DDX11: variants seen among roughly 807,000 people sequenced by gnomAD.
DDX11 encodes the protein DEAD/H-box helicase 11.
DDX11 carries 72 observed loss-of-function variants against 125.2 expected under a neutral mutation model. That is an observed-to-expected ratio of 0.58 (90% CI 0.48 to 0.70). The LOEUF (loss-of-function observed/expected upper bound fraction) is 0.70. Among genes scored for constraint, DDX11 ranks in the 30% least tolerant of loss-of-function variants. The probability of loss-of-function intolerance (pLI) is 0.00; values close to 1 mark genes in which losing one functional copy is unlikely to be tolerated. For synonymous variants in DDX11, 347 were observed against 452.6 expected (o/e 0.77, Z 2.96); for missense variants, 883 against 1,165.0 (o/e 0.76, Z 3.52).
At position 31,101,459 on chromosome 12, in the gene DDX11, G is replaced by T. The variant is rs544461738; in HGVS notation, c.2052+329G>T. 303 of 504,406 alleles carry T rather than the reference G, an allele frequency of 6.0e-4. 1 individual carries two copies. The highest frequency in any genetic ancestry group is 1.1e-3 in the Middle Eastern group (2 of 1,794). The allele number at this position is 504,406 out of a possible 1,614,324, so 31.2% of individuals were successfully genotyped here. A position where few individuals can be genotyped will look rare whatever the true frequency, so the allele number is the denominator to read the frequency against. ...TATATCTGCCCCTGCCGGGGGTAGG[G>T]ATGTGGGGCTTGGGGGCATCTCCTG... On this transcript the variant is annotated intron_variant, in intron 20 of 26. Transcript: ENST00000542838.
In DDX11 at chr12:31,101,909, A is replaced by G; in HGVS notation, c.2129A>G (p.Tyr710Cys). 6.2e-7 allele frequency: 1 copy of G among 1,613,780 alleles called. No homozygotes were observed. The highest frequency in any genetic ancestry group is 8.5e-7 in the Non-Finnish European group (1 of 1,179,810). Reference protein sequence around the residue: ...PGGVVCFFPSYEYLRQVHAHW... With the variant: ...PGGVVCFFPSCEYLRQVHAHW... ...GGGGTGGTCTGTTTCTTCCCCTCCTACGAGTACCTGCGCCAGGTCCATGCC... is the reference window on the plus strand; with the variant it reads ...GGGGTGGTCTGTTTCTTCCCCTCCTGCGAGTACCTGCGCCAGGTCCATGCC... Residue 710 changes from tyrosine (Y) to cysteine (C), a missense_variant, in exon 21 of 27, where the codon TAC (tyrosine) becomes TGC (cysteine). By Grantham distance (194) the Tyr-to-Cys change is radical. This residue lies in a region of DDX11 where 285 missense variants were observed against 346.0 expected (regional missense o/e 0.82). Transcript: ENST00000542838.
At position 31,084,659 on chromosome 12, in the gene DDX11, C is replaced by T. The variant is rs776605930; in HGVS notation, c.470C>T (p.Ala157Val). 1.6e-5 allele frequency: 25 copies of T among 1,586,620 alleles called. No homozygotes were observed. Among genetic ancestry groups the T allele is most frequent in the Non-Finnish European group, 2.1e-5 (24 of 1,163,358 alleles). Residue 157 changes from alanine (A) to valine (V), a missense_variant, in exon 4 of 27, where the codon GCC becomes GTC. Coordinates refer to ENST00000542838, the MANE Select transcript of DDX11 (RefSeq NM_030653.4). ...LQHRVQLKYA[A>V]KRLRQEEEER... ...CACAGGGTGCAGCTCAAGTATGCAGCCAAGCGCCTGGTGAGCCTCATTTCT... is the reference window on the plus strand; with the variant it reads ...CACAGGGTGCAGCTCAAGTATGCAGTCAAGCGCCTGGTGAGCCTCATTTCT...
intron 1 of DDX11, 191 bp from the exon 2 acceptor site, chr12:31,078,199 A>G (rs1161804204): frequency 6.6e-7 from 1 of 1,525,930 alleles, no homozygotes; most frequent in Non-Finnish European, 8.8e-7. Context: ...CGCTAGATGG[A>G]GTGCGTGATT....
At chr12:31,077,673 C>T (rs1351364741) in intron 1 of DDX11, among the ~76,000 whole-genome samples, 3 of 152,074 alleles carry the variant, frequency 2.0e-5, no homozygotes, top group Non-Finnish European at 4.4e-5. Context: ...CGGTGAAACC[C>T]CGTCTCTACC....
intron 2 of DDX11, among the ~76,000 whole-genome samples, chr12:31,079,867 C>G (rs1472963925): frequency 1.3e-5 from 2 of 151,764 alleles, no homozygotes; most frequent in African/African-American, 4.9e-5. Flanking sequence ...ACAATTCAGT[C>G]CACAGCAGTG....
At chr12:31,099,080 C>CTTTTTGTTTTTTTT (rs1467965765) in intron 18 of DDX11, among the ~76,000 whole-genome samples, 1 of 81,328 alleles carries the variant, frequency 1.2e-5, no homozygotes, top group Non-Finnish European at 2.2e-5. Context: ...TTCTTTCTTT[C>CTTTTTGTTTTTTTT]TTTCTTTTTT....
chr12:31,093,024 T>C, intron 11 of DDX11, 132 bp downstream of exon 11: 1 of 1,049,084 alleles, frequency 9.5e-7, no homozygotes, highest in Middle Eastern at 2.1e-4. Context: ...ATGCCATTCA[T>C]GTCCTAGGCA....
At chr12:31,087,671 T>G in intron 5 of DDX11, 1 of 548,140 alleles carries the variant, frequency 1.8e-6, no homozygotes, top group Non-Finnish European at 3.4e-6. Context: ...CTGCCATGAG[T>G]CCCGAGGCTT....
At position 31,083,931 on chromosome 12, in the gene DDX11, A is replaced by G. The variant is rs759237048; in HGVS notation, c.263A>G (p.Lys88Arg). ...ETGTGPLHDEKDESLCLSSSC... is the reference protein window; with the variant it reads ...ETGTGPLHDERDESLCLSSSC... ...GGAACTGGCCCCTTACATGATGAGA[A>G]AGATGAATCCCTGTGTCTGTCTTCT... Residue 88 changes from lysine to arginine, a missense_variant, in exon 3 of 27, where the codon AAA becomes AGA. Lys to Arg is a conservative substitution (Grantham distance 26). Coordinates refer to ENST00000542838, the MANE Select transcript of DDX11 (RefSeq NM_030653.4). 3 of 1,613,964 alleles carry G rather than the reference A, an allele frequency of 1.9e-6. No homozygotes were observed. The highest frequency in any genetic ancestry group is 2.5e-6 in the Non-Finnish European group (3 of 1,179,858).
chr12:31,090,735 G>A (rs1488051050), intron 9 of DDX11, among the ~76,000 whole-genome samples: 3 of 152,280 alleles, frequency 2.0e-5, no homozygotes, highest in Admixed American at 1.3e-4. Context: ...ATCACTAGTG[G>A]AAAATTCTGT....
chr12:31,099,667 A>C (rs1946041176), intron 18 of DDX11, among the ~76,000 whole-genome samples: 2 of 151,850 alleles, frequency 1.3e-5, no homozygotes, highest in African/African-American at 4.8e-5. Context: ...TTCTGTTGTC[A>C]GTTTCATAGA....
intron 21 of DDX11, 71 bp from the exon 22 acceptor site, chr12:31,102,172 C>T: frequency 6.5e-7 from 1 of 1,539,128 alleles, no homozygotes; most frequent in Non-Finnish European, 9.0e-7. Context: ...CCAGAAAACA[C>T]AAGGCCACGA....
intron 2 of DDX11, among the ~76,000 whole-genome samples, chr12:31,081,855 C>T (rs958653208): frequency 9.0e-6 from 1 of 111,590 alleles, no homozygotes; most frequent in African/African-American, 4.0e-5. Flanking sequence ...GAGTATACCA[C>T]GGTTGTTTTT....
intron 9 of DDX11, chr12:31,091,469 G>T (rs368230143): frequency 7.8e-6 from 4 of 512,100 alleles, no homozygotes; most frequent in South Asian, 4.3e-5. Flanking sequence ...CTAAGCAGGG[G>T]TTCCCTTCAC....
At chr12:31,103,192 T>A (rs570307143) in intron 24 of DDX11, 125 bp from the exon 25 acceptor site, 2 of 1,426,596 alleles carry the variant, frequency 1.4e-6, no homozygotes, top group African/African-American at 2.8e-5. Flanking sequence ...TGATGTCACC[T>A]GGACCCCTGC....
chr12:31,103,270 G>A, intron 24 of DDX11, 47 bp from the exon 25 acceptor site: 1 of 1,593,850 alleles, frequency 6.3e-7, no homozygotes. Context: ...CCCAGGGGGA[G>A]CTGCAGGCAG....
At chr12:31,101,767 G>A (rs7966366) in intron 20 of DDX11, 66 bp from the exon 21 acceptor site, 4 of 1,545,202 alleles carry the variant, frequency 2.6e-6, no homozygotes, top group East Asian at 2.3e-5. Flanking sequence ...AGGTGAAGAC[G>A]CGGTTTGTGG....
At chr12:31,094,370 G>A (rs1254496591) in intron 12 of DDX11, 1 of 617,910 alleles carries the variant, frequency 1.6e-6, no homozygotes, top group African/African-American at 1.9e-5. Flanking sequence ...CAGGGCTTTG[G>A]GTTCCACGTG....
At position 31,090,102 on chromosome 12, in the gene DDX11, C is replaced by T; in HGVS notation, c.1089+8C>T. 1.3e-6 allele frequency: 2 copies of T among 1,548,980 alleles called. No homozygotes were observed. The highest frequency in any genetic ancestry group is 1.7e-6 in the Non-Finnish European group (2 of 1,146,164). On this transcript the variant is annotated splice_region_variant and intron_variant, in intron 9 of 26. Coordinates refer to ENST00000542838, the MANE Select transcript of DDX11 (RefSeq NM_030653.4). ...GCCATCCCTGCAGCCCAGGTGAGGG[C>T]CCTGCAGGGCCAGAAAGCCGCTCTT...
Sources: gnomAD v4.1 joint callset for allele counts (sites outside exome capture counted in the v4.1 genomes callset) on GRCh38, gnomAD v4.1.1 for gene constraint, gnomAD v4.1.1 regional missense constraint, MANE v1.5 for transcripts, NCBI Gene and HGNC (gene_info 2026-07-23, HGNC 2026-07-21) for gene names.